The following RTF1 variants were observed in gnomAD, a reference collection of about 807,000 sequenced individuals.
RTF1 encodes RNA polymerase-associated protein RTF1 homolog.
A neutral mutation model predicts 95.7 loss-of-function variants in RTF1; 10 were observed. That is an observed-to-expected ratio of 0.10 (90% CI 0.06 to 0.18). RTF1 has a LOEUF of 0.18. Ranked by LOEUF, RTF1 falls within the 10% of genes least tolerant of loss-of-function variation. The probability of loss-of-function intolerance (pLI) is 1.00; values close to 1 mark genes in which losing one functional copy is unlikely to be tolerated. For synonymous variants in RTF1, 305 were observed against 311.8 expected (o/e 0.98, Z 0.23); for missense variants, 458 against 875.6 (o/e 0.52, Z 6.02).
At chr15:41,430,237 C>T (rs956137479) in intron 1 of RTF1, among the ~76,000 whole-genome samples, 6 of 142,714 alleles carry the variant, frequency 4.2e-5, no homozygotes, top group East Asian at 4.2e-4. Context: ...AGTGCAGTGG[C>T]GCGATCTCGG....
chr15:41,449,183 CTATTT>C (rs2050777835), intron 2 of RTF1, among the ~76,000 whole-genome samples: 3 of 150,340 alleles, frequency 2.0e-5, no homozygotes, highest in Non-Finnish European at 3.0e-5. Context: ...TGCGCCCAGC[CTATTT>C]TATTTTATTT....
intron 1 of RTF1, among the ~76,000 whole-genome samples, chr15:41,419,931 T>C (rs1441035999): frequency 6.6e-6 from 1 of 152,154 alleles, no homozygotes; most frequent in Non-Finnish European, 1.5e-5. Flanking sequence ...GCGATTCTCC[T>C]GCTTCAGCCT....
At chr15:41,420,971 T>C (rs1346497056) in intron 1 of RTF1, among the ~76,000 whole-genome samples, 1 of 152,230 alleles carries the variant, frequency 6.6e-6, no homozygotes, top group Non-Finnish European at 1.5e-5. Context: ...TAACACACTA[T>C]AAGTATTTAG....
At chr15:41,426,779 A>ATGTGTGTGTGTG (rs1178988605) in intron 1 of RTF1, among the ~76,000 whole-genome samples, 2 of 77,562 alleles carry the variant, frequency 2.6e-5, no homozygotes, top group African/African-American at 5.0e-5. Flanking sequence ...CGCTACATAT[A>ATGTGTGTGTGTG]TATGTGTGTG....
At chr15:41,464,188 C>T (rs780586292) in intron 4 of RTF1, among the ~76,000 whole-genome samples, 5 of 151,202 alleles carry the variant, frequency 3.3e-5, no homozygotes, top group Non-Finnish European at 7.4e-5. Flanking sequence ...TGGAATCTCA[C>T]TCTGTCGCCC....
intron 8 of RTF1, among the ~76,000 whole-genome samples, chr15:41,474,408 C>G (rs1258584013): frequency 6.6e-6 from 1 of 152,232 alleles, no homozygotes. Flanking sequence ...TCCTCTTCTG[C>G]TGGCACTTTC....
chr15:41,442,753 G>A (rs1273258307), intron 2 of RTF1, among the ~76,000 whole-genome samples: 1 of 152,042 alleles, frequency 6.6e-6, no homozygotes, highest in African/African-American at 2.4e-5. Flanking sequence ...AGGCGTAGTA[G>A]TGGGCACCTG....
intron 2 of RTF1, among the ~76,000 whole-genome samples, chr15:41,444,586 G>A (rs1367734898): frequency 2.0e-5 from 3 of 151,902 alleles, no homozygotes; most frequent in South Asian, 2.1e-4. Context: ...TGACCATCGC[G>A]GCCGGCCCGT....
intron 1 of RTF1, among the ~76,000 whole-genome samples, chr15:41,428,831 C>T (rs2050653209): frequency 6.6e-6 from 1 of 152,046 alleles, no homozygotes; most frequent in Non-Finnish European, 1.5e-5. Context: ...TCTCTGCCTC[C>T]TGGGCCCAAC....
intron 3 of RTF1, among the ~76,000 whole-genome samples, chr15:41,455,726 A>G (rs900889553): frequency 2.6e-5 from 4 of 151,332 alleles, no homozygotes; most frequent in African/African-American, 9.7e-5. Context: ...AATCGCTTAA[A>G]GAGGAGGTTG....
In RTF1 at chr15:41,471,207, C is replaced by T; in HGVS notation, c.1061C>T (p.Ser354Phe). The change falls in exon 8 of 18, where the codon TCC becomes TTC. Residue 354 changes from serine (S) to phenylalanine (F), a missense_variant. By Grantham distance (155) the Ser-to-Phe change is radical. Around this residue, in one of 11 missense-constraint regions of RTF1, gnomAD observed 150 missense variants for 275.7 expected, o/e 0.54. Coordinates refer to ENST00000389629, the MANE Select transcript of RTF1 (RefSeq NM_015138.5). The stretch of plus-strand genomic sequence containing the variant: ...ATCCCTCCCAAATCCCAACCAGTTT[C>T]CTTACCTGAAGAATTGAATCGGGTT... The part of the protein sequence containing the change: ...EEIPPKSQPV[S>F]LPEELNRVRL... 3 of 1,613,196 alleles carry T rather than the reference C, an allele frequency of 1.9e-6. No homozygotes were observed. The highest frequency in any genetic ancestry group is 2.5e-6 in the Non-Finnish European group (3 of 1,179,704).
intron 2 of RTF1, among the ~76,000 whole-genome samples, chr15:41,450,034 A>T (rs2050782339): frequency 6.6e-6 from 1 of 151,876 alleles, no homozygotes; most frequent in Non-Finnish European, 1.5e-5. Context: ...CCTCTCTACA[A>T]AAAGTTAACA....
intron 8 of RTF1, among the ~76,000 whole-genome samples, chr15:41,473,945 G>T (rs2050928970): frequency 6.6e-6 from 1 of 152,056 alleles, no homozygotes; most frequent in Non-Finnish European, 1.5e-5. Context: ...GCTGAGGCAG[G>T]AGAATCACTT....
chr15:41,438,092 C>G (rs2050714106), intron 1 of RTF1, among the ~76,000 whole-genome samples: 1 of 152,184 alleles, frequency 6.6e-6, no homozygotes, highest in African/African-American at 2.4e-5. Flanking sequence ...TGTCCAACTT[C>G]AGACATATAT....
At chr15:41,431,560 G>T (rs2050673573) in intron 1 of RTF1, among the ~76,000 whole-genome samples, 1 of 151,986 alleles carries the variant, frequency 6.6e-6, no homozygotes, top group South Asian at 2.1e-4. Context: ...TCCCAGGCTG[G>T]AGTGAAGTGG....
At chr15:41,421,094 G>A (rs1035555711) in intron 1 of RTF1, among the ~76,000 whole-genome samples, 3 of 152,106 alleles carry the variant, frequency 2.0e-5, no homozygotes, top group African/African-American at 7.2e-5. Context: ...GGCCAAAGTG[G>A]GAGGAACACT....
At position 41,450,509 on chromosome 15, in the gene RTF1, G is replaced by C. The variant is rs539584166; in HGVS notation, c.310-2392G>C. ...CTGAGGCAGGACAATGGCGTGAACC[G>C]GGGAGGCGGAGCTTGCAGTGAGCCA... On this transcript the variant is annotated intron_variant, in intron 2 of 17. Transcript: ENST00000389629. Among the ~76,000 whole-genome samples the C allele has an allele frequency of 1.7e-4, 26 of 151,756 alleles. 1 individual carries two copies. Among genetic ancestry groups the C allele is most frequent in the African/African-American group, 5.8e-4 (24 of 41,408 alleles).
chr15:41,420,704 A>G (rs950330133), intron 1 of RTF1, among the ~76,000 whole-genome samples: 9 of 152,100 alleles, frequency 5.9e-5, no homozygotes, highest in African/African-American at 2.2e-4. Flanking sequence ...TCCTTACTGA[A>G]GGTGAGATAT....
At chr15:41,417,345 G>C (rs930118254) in intron 1 of RTF1, 32 bp downstream of exon 1, 2 of 1,245,010 alleles carry the variant, frequency 1.6e-6, no homozygotes, top group African/African-American at 1.6e-5. Context: ...GCGGGCCGGC[G>C]GAGCCAGAGG....
Sources: gnomAD v4.1 joint callset for allele counts (sites outside exome capture counted in the v4.1 genomes callset) on GRCh38, gnomAD v4.1.1 for gene constraint, gnomAD v4.1.1 regional missense constraint, MANE v1.5 for transcripts, NCBI Gene and HGNC (gene_info 2026-07-23, HGNC 2026-07-21) for gene names.